WHRN: variants seen among roughly 807,000 people sequenced by gnomAD.
The protein encoded by WHRN is whirlin.
A neutral mutation model predicts 68.3 loss-of-function variants in WHRN; 41 were observed. The observed-to-expected ratio is 0.60, with a 90% CI of 0.47 to 0.78. The LOEUF is 0.78. WHRN is among the 30% of genes least tolerant of loss of function. WHRN has a pLI of 0.00. For synonymous variants in WHRN, 560 were observed against 561.3 expected (o/e 1.00, Z 0.03); for missense variants, 1,243 against 1,244.7 (o/e 1.00, Z 0.02).
chr9:114,504,958 G>A lies in WHRN; in HGVS notation c.-157C>T. On this transcript the variant is annotated 5_prime_UTR_variant, in exon 1 of 12. Transcript: ENST00000362057. ...ACGGGTACAGTGGCTGGATCCTAGG[G>A]GGTCGCGGAGACCGCTGCTAGAGTC... 6.3e-6 allele frequency: 7 copies of A among 1,113,344 alleles called. No homozygotes were observed. Among genetic ancestry groups the A allele is most frequent in the Non-Finnish European group, 8.1e-6 (7 of 862,656 alleles). The allele number at this position is 1,113,344 out of a possible 1,614,324, so 69.0% of individuals were successfully genotyped here.
At chr9:114,494,059 G>A (rs532078860) in intron 1 of WHRN, among the ~76,000 whole-genome samples, 3 of 152,294 alleles carry the variant, frequency 2.0e-5, no homozygotes, top group African/African-American at 7.2e-5. Context: ...CTGTGTGCCC[G>A]TGATGGGTCA....
intron 2 of WHRN, among the ~76,000 whole-genome samples, chr9:114,477,736 T>C (rs1841767209): frequency 1.3e-5 from 2 of 152,210 alleles, no homozygotes; most frequent in Admixed American, 6.5e-5. Flanking sequence ...ATTCTGGGAC[T>C]GCCCCTGTCC....
At chr9:114,458,022 G>C (rs1839953331) in intron 3 of WHRN, among the ~76,000 whole-genome samples, 1 of 152,088 alleles carries the variant, frequency 6.6e-6, no homozygotes, top group Non-Finnish European at 1.5e-5. Context: ...AGGGAAAATA[G>C]TAAGTTTACA....
chr9:114,468,500 C>T (rs970886063), intron 2 of WHRN, among the ~76,000 whole-genome samples: 1 of 151,990 alleles, frequency 6.6e-6, no homozygotes, highest in Non-Finnish European at 1.5e-5. Context: ...GGAAAGAGTC[C>T]AATAGACAGT....
chr9:114,430,761 T>C (rs1312160241), intron 3 of WHRN, among the ~76,000 whole-genome samples: 1 of 152,010 alleles, frequency 6.6e-6, no homozygotes, highest in Non-Finnish European at 1.5e-5. Flanking sequence ...GAAATGGGAG[T>C]CACACTTGGG....
chr9:114,424,874 G>A lies in WHRN; in HGVS notation c.1203+114C>T, dbSNP rs543685197. The A allele has an allele frequency of 1.5e-3, 1,718 of 1,183,834 alleles. 9 individuals carry two copies. The highest frequency in any genetic ancestry group is 6.1e-3 in the Middle Eastern group (30 of 4,890). 73.3% of individuals were successfully genotyped at this position (1,183,834 alleles called of 1,614,324 possible). ...TGGGCTGGGGGGTGGGCAGATAAGGGGCTGCCCAGTTGGAATGAGGTAGTG... is the reference window on the plus strand; with the variant it reads ...TGGGCTGGGGGGTGGGCAGATAAGGAGCTGCCCAGTTGGAATGAGGTAGTG... On this transcript the variant is annotated intron_variant, in intron 5 of 11. Coordinates refer to ENST00000362057, the MANE Select transcript of WHRN (RefSeq NM_015404.4).
chr9:114,486,339 G>A (rs981186223), intron 1 of WHRN, among the ~76,000 whole-genome samples: 9 of 152,164 alleles, frequency 5.9e-5, no homozygotes, highest in African/African-American at 2.2e-4. Context: ...TGTCCTCCAA[G>A]AGCATCCAGC....
chr9:114,489,985 G>T (rs1160712472), intron 1 of WHRN, among the ~76,000 whole-genome samples: 1 of 152,200 alleles, frequency 6.6e-6, no homozygotes, highest in African/African-American at 2.4e-5. Flanking sequence ...TGACATAACT[G>T]GGCAATGGTG....
At position 114,504,327 on chromosome 9, in the gene WHRN, C is replaced by G. The variant is rs550154172; in HGVS notation, c.475G>C (p.Gly159Arg). The change falls in exon 1 of 12, where the codon GGC becomes CGC. Residue 159 changes from glycine (G) to arginine (R), a missense_variant. Transcript: ENST00000362057. ...HEGLGFSIRG[G>R]SEHGVGIYVS... ...TAGATGCCCACGCCGTGCTCCGAGC[C>G]CCCACGGATGCTGAAGCCCAAGCCC... 5 of 1,611,204 alleles carry G rather than the reference C, an allele frequency of 3.1e-6. No individual in the cohort carries two copies. The highest frequency in any genetic ancestry group is 2.2e-5 in the East Asian group (1 of 44,886).
intron 2 of WHRN, among the ~76,000 whole-genome samples, chr9:114,473,665 T>C (rs571223353): frequency 9.8e-5 from 15 of 152,362 alleles, no homozygotes; most frequent in African/African-American, 3.1e-4. Context: ...TCACTCTGGA[T>C]ACTGGTTCAT....
intron 2 of WHRN, among the ~76,000 whole-genome samples, chr9:114,473,705 A>C (rs1234778324): frequency 6.6e-6 from 1 of 152,174 alleles, no homozygotes; most frequent in African/African-American, 2.4e-5. Context: ...TCTCCAATAA[A>C]TATGGGTGAT....
chr9:114,469,606 A>G (rs9657663), intron 2 of WHRN, among the ~76,000 whole-genome samples: 42,952 of 152,058 alleles, frequency 0.28, 6,306 homozygotes, highest in Admixed American at 0.36. Flanking sequence ...ACACCTCTGC[A>G]GGCCATCCCA....
chr9:114,472,854 G>A (rs746461260), intron 2 of WHRN, among the ~76,000 whole-genome samples: 23 of 152,184 alleles, frequency 1.5e-4, no homozygotes, highest in Admixed American at 4.6e-4. Flanking sequence ...ATTAATCCTC[G>A]AAACAGCCTC....
chr9:114,413,883 G>A (rs1835631357), intron 7 of WHRN, among the ~76,000 whole-genome samples: 3 of 152,170 alleles, frequency 2.0e-5, no homozygotes, highest in Non-Finnish European at 4.4e-5. Flanking sequence ...GAACAGACCA[G>A]GCTTCCTCCT....
chr9:114,467,567 T>C (rs568834918), intron 2 of WHRN, among the ~76,000 whole-genome samples: 4 of 152,058 alleles, frequency 2.6e-5, no homozygotes, highest in East Asian at 1.9e-4. Context: ...CTCAAGTCAG[T>C]GCTCAGGAGA....
intron 3 of WHRN, among the ~76,000 whole-genome samples, chr9:114,428,870 T>C (rs540855055): frequency 6.6e-6 from 1 of 151,752 alleles, no homozygotes; most frequent in South Asian, 2.1e-4. Context: ...GTGAGCGAGC[T>C]AGCATCCTCA....
intron 1 of WHRN, among the ~76,000 whole-genome samples, chr9:114,493,081 G>A (rs1337218966): frequency 6.6e-6 from 1 of 152,122 alleles, no homozygotes; most frequent in African/African-American, 2.4e-5. Flanking sequence ...TAGGCACAGT[G>A]GCTCACGCCT....
At chr9:114,494,265 C>G (rs1331895968) in intron 1 of WHRN, among the ~76,000 whole-genome samples, 1 of 152,244 alleles carries the variant, frequency 6.6e-6, no homozygotes, top group East Asian at 1.9e-4. Context: ...CCAGGAAGAG[C>G]AGCATCTGGT....
At chr9:114,499,560 T>G (rs968920961) in intron 1 of WHRN, among the ~76,000 whole-genome samples, 2 of 152,178 alleles carry the variant, frequency 1.3e-5, no homozygotes, top group East Asian at 3.9e-4. Context: ...AAATCACCAG[T>G]TGGAGCCTAA....
Sources: allele counts gnomAD v4.1 joint callset (sites outside exome capture counted in the v4.1 genomes callset), GRCh38; gene constraint gnomAD v4.1.1; transcripts MANE v1.5; gene names NCBI Gene and HGNC (gene_info 2026-07-23, HGNC 2026-07-21).